The following CDCP1 variants were observed in gnomAD, a reference collection of about 807,000 sequenced individuals.
CDCP1 encodes the protein CUB domain containing protein 1, also known as CUB domain-containing protein 1.
In CDCP1, 29 loss-of-function variants were observed where a neutral mutation model predicts 60.2. The ratio of observed to expected loss-of-function variants is 0.48; its 90% CI spans 0.36 to 0.66. CDCP1 has a LOEUF of 0.66. Among genes scored for constraint, CDCP1 ranks in the 30% least tolerant of loss-of-function variants. The pLI is 0.00. For synonymous variants in CDCP1, 387 were observed against 431.1 expected (o/e 0.90, Z 1.27); for missense variants, 876 against 1,074.3 (o/e 0.82, Z 2.58).
At chr3:45,089,204 T>A (rs1698250018) in intron 7 of CDCP1, 63 bp from the exon 8 acceptor site, 1 of 1,354,796 alleles carries the variant, frequency 7.4e-7, no homozygotes. Flanking sequence ...GCAATGAACT[T>A]GAGGCATCTC....
At chr3:45,136,956 C>T (rs1699200704) in intron 1 of CDCP1, among the ~76,000 whole-genome samples, 1 of 151,864 alleles carries the variant, frequency 6.6e-6, no homozygotes, top group Non-Finnish European at 1.5e-5. Context: ...TTGACAGGAC[C>T]CATTGAATTA....
chr3:45,107,733 C>A (rs1388031850), intron 4 of CDCP1, among the ~76,000 whole-genome samples: 9 of 152,184 alleles, frequency 5.9e-5, no homozygotes, highest in Admixed American at 1.3e-4. Flanking sequence ...AGATTCAAAT[C>A]CATGCAGGCC....
chr3:45,083,569 G>A lies in CDCP1; in HGVS notation c.*2069C>T, dbSNP rs1698137447. On this transcript the variant is annotated 3_prime_UTR_variant, in exon 9 of 9. Transcript: ENST00000296129. The stretch of plus-strand genomic sequence containing the variant: ...CCCTCTCCTTCCAGATCAGAGCAGG[G>A]GTGAGGAAGCAAAAGTCCACAGTTA... 1 of 152,116 alleles carries A rather than the reference G, an allele frequency of 6.6e-6. No homozygotes were observed. Among genetic ancestry groups the A allele is most frequent in the African/African-American group, 2.4e-5 (1 of 41,410 alleles). The allele number at this position is 152,116 out of a possible 1,614,324, so 9.4% of individuals were successfully genotyped here. A position where few individuals can be genotyped will look rare whatever the true frequency, so the allele number is the denominator to read the frequency against.
chr3:45,084,881 T>C lies in CDCP1; in HGVS notation c.*757A>G, dbSNP rs1309581945. ...CATGGAAACTTGAGGAAATTTCTCT[T>C]ATTGCTAGGACTATAGGACAATGGG... On this transcript the variant is annotated 3_prime_UTR_variant, in exon 9 of 9. Transcript: ENST00000296129. 6.5e-6 allele frequency: 1 copy of C among 152,678 alleles called. No individual in the cohort carries two copies. Among genetic ancestry groups the C allele is most frequent in the Non-Finnish European group, 1.5e-5 (1 of 68,048 alleles). The allele number at this position is 152,678 out of a possible 1,614,324, so 9.5% of individuals were successfully genotyped here. A position where few individuals can be genotyped will look rare whatever the true frequency, so the allele number is the denominator to read the frequency against.
chr3:45,104,970 C>T (rs1209817965), intron 4 of CDCP1, among the ~76,000 whole-genome samples: 1 of 152,168 alleles, frequency 6.6e-6, no homozygotes, highest in African/African-American at 2.4e-5. Context: ...ATCGCTTGAA[C>T]CCAGGAGGCG....
chr3:45,099,578 C>A (rs948118106), intron 4 of CDCP1, among the ~76,000 whole-genome samples: 36 of 151,844 alleles, frequency 2.4e-4, no homozygotes, highest in African/African-American at 6.8e-4. Flanking sequence ...TGTGATGATT[C>A]CCTTCCCTCT....
chr3:45,094,781 G>A (rs907389834), intron 5 of CDCP1, among the ~76,000 whole-genome samples: 10 of 152,048 alleles, frequency 6.6e-5, no homozygotes, highest in Non-Finnish European at 1.5e-4. Context: ...CTCACAAGAG[G>A]AAGATTGGAA....
At chr3:45,092,936 C>T (rs1698321343) in intron 6 of CDCP1, among the ~76,000 whole-genome samples, 1 of 152,250 alleles carries the variant, frequency 6.6e-6, no homozygotes, top group Admixed American at 6.5e-5. Flanking sequence ...TTTTATGTCA[C>T]TACCTTAAAA....
intron 1 of CDCP1, among the ~76,000 whole-genome samples, chr3:45,133,929 C>G (rs114933794): frequency 6.6e-6 from 1 of 152,106 alleles, no homozygotes; most frequent in Non-Finnish European, 1.5e-5. Context: ...CCTTTACTTC[C>G]GATACTTTGG....
Position 45,089,116 on chromosome 3 carries a change from C to T in CDCP1, c.2019G>A (p.Ala673=), listed in dbSNP as rs753103123. ...ACAGCAGTAAGACTCCACCTCCCAC[C>T]GCTGCGATGAGGATGACAGTCAAGT... ...TVDLTVILIA[A]VGGGVLLLSA... The change falls in exon 8 of 9, where the codon GCG becomes GCA. Residue 673 remains alanine, a synonymous_variant. Coordinates refer to ENST00000296129, the MANE Select transcript of CDCP1 (RefSeq NM_022842.5). 5.1e-5 allele frequency: 82 copies of T among 1,613,950 alleles called. No homozygotes were observed. The highest frequency in any genetic ancestry group is 1.0e-4 in the Admixed American group (6 of 59,996).
intron 1 of CDCP1, among the ~76,000 whole-genome samples, chr3:45,120,899 A>G (rs558849515): frequency 1.1e-3 from 71 of 64,360 alleles, no homozygotes; most frequent in Non-Finnish European, 1.7e-3. Flanking sequence ...CAGCCCACCT[A>G]AAGTGCTCCC....
At chr3:45,098,460 A>G (rs940464027) in intron 4 of CDCP1, among the ~76,000 whole-genome samples, 2 of 152,178 alleles carry the variant, frequency 1.3e-5, no homozygotes, top group African/African-American at 4.8e-5. Context: ...TAACCGCAGT[A>G]AAACATGCTC....
At chr3:45,135,724 C>T (rs1451664364) in intron 1 of CDCP1, among the ~76,000 whole-genome samples, 1 of 152,106 alleles carries the variant, frequency 6.6e-6, no homozygotes, top group Non-Finnish European at 1.5e-5. Flanking sequence ...AATGATGTCC[C>T]ACAGACCTCA....
intron 1 of CDCP1, among the ~76,000 whole-genome samples, chr3:45,126,078 G>A (rs1229189698): frequency 6.7e-6 from 1 of 149,330 alleles, no homozygotes; most frequent in Non-Finnish European, 1.5e-5. Context: ...TAGCAGAAGA[G>A]GAGCAACTGC....
At chr3:45,089,291 C>A in intron 7 of CDCP1, 150 bp from the exon 8 acceptor site, 1 of 644,686 alleles carries the variant, frequency 1.6e-6, no homozygotes. Context: ...CTCCTCATAT[C>A]ACAAAGTGTT....
At chr3:45,095,008 A>T (rs2125991125) in intron 5 of CDCP1, among the ~76,000 whole-genome samples, 1 of 149,172 alleles carries the variant, frequency 6.7e-6, no homozygotes, top group Non-Finnish European at 1.5e-5. Flanking sequence ...ATCTCGGCTC[A>T]CTGCAACCTC....
At chr3:45,108,223 T>G (rs1576093644) in intron 4 of CDCP1, among the ~76,000 whole-genome samples, 1 of 151,630 alleles carries the variant, frequency 6.6e-6, no homozygotes, top group Admixed American at 6.6e-5. Context: ...CACATAGAGG[T>G]TCAGAGGATC....
chr3:45,124,640 C>A (rs1465438618), intron 1 of CDCP1, among the ~76,000 whole-genome samples: 2 of 152,238 alleles, frequency 1.3e-5, no homozygotes, highest in African/African-American at 4.8e-5. Context: ...TGCAGACCAA[C>A]ATTCCATTCT....
Position 45,108,920 on chromosome 3 carries a change from TATATATGCATGTATAC to T in CDCP1, c.1024+1537_1024+1552del, listed in dbSNP as rs1380424268. 5.6e-5 allele frequency among the ~76,000 whole-genome samples: 4 copies of T among 70,940 alleles called. 1 individual carries two copies. The highest frequency in any genetic ancestry group is 1.3e-3 in the South Asian group (2 of 1,590). The allele number at this position is 70,940 out of a possible 152,430, so 46.5% of individuals were successfully genotyped here. On this transcript the variant is annotated intron_variant, in intron 4 of 8. Coordinates refer to ENST00000296129, the MANE Select transcript of CDCP1 (RefSeq NM_022842.5). ...ATATATATGCATGTATACATATATATATATATGCATGTATACATATATATATATATATATTTTTTTT... is the reference window on the plus strand; with the variant it reads ...ATATATATGCATGTATACATATATATATATATATATATATATATTTTTTTT...
Sources: gnomAD v4.1 joint callset for allele counts (sites outside exome capture counted in the v4.1 genomes callset) on GRCh38, gnomAD v4.1.1 for gene constraint, MANE v1.5 for transcripts, NCBI Gene and HGNC (gene_info 2026-07-23, HGNC 2026-07-21) for gene names.